Variants in ADK observed in about 807,000 individuals in gnomAD.
ADK encodes the protein adenosine kinase.
ADK carries 24 observed loss-of-function variants against 44.7 expected under a neutral mutation model. The observed-to-expected ratio is 0.54, with a 90% CI of 0.39 to 0.76. The LOEUF is 0.76. Ranked by LOEUF, ADK falls within the 30% of genes least tolerant of loss-of-function variation. The probability of loss-of-function intolerance (pLI) is 0.00; values close to 1 mark genes in which losing one functional copy is unlikely to be tolerated. For missense variants in ADK, 321 were observed against 425.1 expected, an observed-to-expected ratio of 0.76 and a Z score of 2.15; for synonymous variants, 128 against 142.6, an observed-to-expected ratio of 0.90 and a Z score of 0.73.
At position 74,465,229 on chromosome 10, in the gene ADK, C is replaced by G. The variant is rs570159287; in HGVS notation, c.556-60027C>G. ...TGCACATATTAGGGAGAAAAACAAT[C>G]AGTGAATAAATAGCAAGTATAAAGT... On this transcript the variant is annotated intron_variant, in intron 6 of 10. Transcript: ENST00000539909. Among the ~76,000 whole-genome samples the G allele has an allele frequency of 2.2e-3, 339 of 152,130 alleles. 2 individuals are homozygous for G. The highest frequency in any genetic ancestry group is 7.7e-3 in the African/African-American group (318 of 41,512).
Position 74,337,676 on chromosome 10 carries a change from A to AG in ADK, c.273+22931_273+22932insG, listed in dbSNP as rs1262692092. ...ACAGCTGGCTTCATTAGCTTTTTGT[A>AG]TATTAATCTGTGTTGTCCTACTATT... is the stretch of plus-strand genomic sequence containing the variant. On this transcript the variant is annotated intron_variant, in intron 4 of 10. Coordinates refer to ENST00000539909, the MANE Select transcript of ADK (RefSeq NM_006721.4). 1.2e-4 allele frequency among the ~76,000 whole-genome samples: 18 copies of AG among 151,864 alleles called. No individual in the cohort carries two copies. In the East Asian group the frequency reaches 1.9e-3, roughly 16 times the overall value.
chr10:74,324,350 T>G (rs1031806854), intron 4 of ADK, among the ~76,000 whole-genome samples: 1 of 152,160 alleles, frequency 6.6e-6, no homozygotes, highest in African/African-American at 2.4e-5. Context: ...TGTCAAAAAC[T>G]TATTCATGTA....
chr10:74,420,507 CTTTAT>C (rs1376401223), intron 6 of ADK, among the ~76,000 whole-genome samples: 3 of 152,122 alleles, frequency 2.0e-5, no homozygotes, highest in South Asian at 2.1e-4. Flanking sequence ...ATAGTTTTGG[CTTTAT>C]TTTAAACAAT....
At chr10:74,196,146 A>C (rs926993110) in intron 1 of ADK, among the ~76,000 whole-genome samples, 15 of 152,144 alleles carry the variant, frequency 9.9e-5, no homozygotes, top group Non-Finnish European at 2.2e-4. Flanking sequence ...TGTACTAGCC[A>C]CAACTTCTGC....
chr10:74,298,786 T>C (rs1304514607), intron 3 of ADK, among the ~76,000 whole-genome samples: 3 of 151,624 alleles, frequency 2.0e-5, no homozygotes, highest in African/African-American at 7.3e-5. Flanking sequence ...CAAACCAGAA[T>C]TGAGGACATT....
chr10:74,701,203 A>G (rs1444835644), intron 10 of ADK, among the ~76,000 whole-genome samples: 3 of 152,250 alleles, frequency 2.0e-5, no homozygotes, highest in Non-Finnish European at 4.4e-5. Context: ...TGGGATGAGG[A>G]AAGGCAAGAA....
At chr10:74,481,395 T>C (rs1281078041) in intron 6 of ADK, among the ~76,000 whole-genome samples, 3 of 152,200 alleles carry the variant, frequency 2.0e-5, no homozygotes, top group African/African-American at 7.2e-5. Context: ...TGTTAGTTCC[T>C]ATTTCATTTT....
chr10:74,607,591 G>A (rs1347460864), intron 9 of ADK, among the ~76,000 whole-genome samples: 1 of 152,200 alleles, frequency 6.6e-6, no homozygotes, highest in African/African-American at 2.4e-5. Flanking sequence ...GGTTTCTGCA[G>A]AGAGATCAGC....
At chr10:74,246,408 T>G (rs1278839801) in intron 3 of ADK, among the ~76,000 whole-genome samples, 1 of 152,206 alleles carries the variant, frequency 6.6e-6, no homozygotes, top group African/African-American at 2.4e-5. Flanking sequence ...AAGTAGAGTG[T>G]GTGTTCTAAT....
intron 2 of ADK, among the ~76,000 whole-genome samples, chr10:74,203,617 T>C (rs111990981): frequency 0.02 from 3,001 of 152,136 alleles, 46 homozygotes; most frequent in Non-Finnish European, 0.026. Flanking sequence ...CCAAGTTGTC[T>C]TCCCACCTTG....
At chr10:74,178,281 A>G (rs1842420178) in intron 1 of ADK, among the ~76,000 whole-genome samples, 2 of 152,192 alleles carry the variant, frequency 1.3e-5, no homozygotes, top group Admixed American at 1.3e-4. Context: ...CAAAGTACTT[A>G]TCTCATTATG....
At chr10:74,514,137 C>T (rs896849140) in intron 6 of ADK, among the ~76,000 whole-genome samples, 1 of 152,136 alleles carries the variant, frequency 6.6e-6, no homozygotes, top group Non-Finnish European at 1.5e-5. Flanking sequence ...TTATCCTGTC[C>T]TCTCCTGGAC....
At chr10:74,649,895 G>A (rs1325103049) in intron 9 of ADK, among the ~76,000 whole-genome samples, 2 of 152,134 alleles carry the variant, frequency 1.3e-5, no homozygotes, top group Non-Finnish European at 2.9e-5. Context: ...AGGTCTAAAA[G>A]ATATTTCTGT....
chr10:74,602,539 C>G (rs1187546287), intron 9 of ADK, among the ~76,000 whole-genome samples: 1 of 152,166 alleles, frequency 6.6e-6, no homozygotes, highest in African/African-American at 2.4e-5. Context: ...CATTCTGTGA[C>G]TGTATTTCCT....
chr10:74,610,412 G>A (rs962266952), intron 9 of ADK, among the ~76,000 whole-genome samples: 2 of 152,104 alleles, frequency 1.3e-5, no homozygotes, highest in African/African-American at 4.8e-5. Flanking sequence ...GGGGCTGGGG[G>A]AGGGCTGAAT....
intron 6 of ADK, among the ~76,000 whole-genome samples, chr10:74,405,623 G>A (rs1207112677): frequency 1.3e-5 from 2 of 152,046 alleles, no homozygotes; most frequent in African/African-American, 2.4e-5. Context: ...ACAAGCGAGG[G>A]ATCTAGGTTG....
intron 6 of ADK, among the ~76,000 whole-genome samples, chr10:74,497,681 A>G (rs1212618318): frequency 6.6e-6 from 1 of 152,184 alleles, no homozygotes; most frequent in African/African-American, 2.4e-5. Flanking sequence ...AAAAAAATAA[A>G]CAAGATGAGT....
intron 3 of ADK, among the ~76,000 whole-genome samples, chr10:74,283,595 CCT>C (rs1472956702): frequency 2.7e-5 from 4 of 148,396 alleles, no homozygotes; most frequent in African/African-American, 5.0e-5. Context: ...AAATCTTACC[CCT>C]CTTTTTGACT....
chr10:74,651,501 TA>T (rs1228920036), intron 9 of ADK, among the ~76,000 whole-genome samples: 6 of 152,198 alleles, frequency 3.9e-5, no homozygotes, highest in African/African-American at 1.4e-4. Flanking sequence ...TTTGAACTGA[TA>T]ACAGTTACCC....
Sources: allele counts gnomAD v4.1 joint callset (sites outside exome capture counted in the v4.1 genomes callset), GRCh38; gene constraint gnomAD v4.1.1; transcripts MANE v1.5; gene names NCBI Gene and HGNC (gene_info 2026-07-23, HGNC 2026-07-21).